The following CDH7 variants were observed in gnomAD, a reference collection of about 807,000 sequenced individuals.
The protein encoded by CDH7 is cadherin-7.
In CDH7, 25 loss-of-function variants were observed where a neutral mutation model predicts 71.8. That is an observed-to-expected ratio of 0.35 (90% confidence interval 0.25 to 0.49). The LOEUF is 0.49. Ranked by LOEUF, CDH7 falls within the 20% of genes least tolerant of loss-of-function variation. The pLI, the probability that CDH7 is intolerant of heterozygous loss-of-function variation, is 0.99. For missense variants in CDH7, 862 were observed against 974.6 expected (o/e 0.88, Z 1.54); for synonymous variants, 381 against 363.8 (o/e 1.05, Z -0.54).
rs1029144045 is a variant in CDH7 at position 65,881,674 on chromosome 18, T to C, written c.*780T>C. ...TCTGATTTGTACAGGAGAATATCTT[T>C]TCTTTTTTATTTGACACATGGTGTT... On this transcript the variant is annotated 3_prime_UTR_variant, in exon 12 of 12. Coordinates refer to ENST00000397968, the MANE Select transcript of CDH7 (RefSeq NM_004361.5). The C allele has an allele frequency of 6.6e-6, 1 of 152,198 alleles. No individual in the cohort carries two copies. The highest frequency in any genetic ancestry group is 1.5e-5 in the Non-Finnish European group (1 of 68,030). The allele number at this position is 152,198 out of a possible 1,614,324, so 9.4% of individuals were successfully genotyped here. A position where few individuals can be genotyped will look rare whatever the true frequency, so the allele number is the denominator to read the frequency against.
intron 4 of CDH7, among the ~76,000 whole-genome samples, chr18:65,819,353 G>A (rs1454297256): frequency 3.9e-5 from 6 of 152,112 alleles, no homozygotes; most frequent in African/African-American, 1.4e-4. Context: ...CTGTGAGTTC[G>A]CACTGCTCCA....
chr18:65,819,937 C>G (rs571506560), intron 4 of CDH7, among the ~76,000 whole-genome samples: 75 of 149,380 alleles, frequency 5.0e-4, no homozygotes, highest in African/African-American at 1.8e-3. Flanking sequence ...CCTTTGCTTC[C>G]CTAAAGTGCG....
At position 65,835,888 on chromosome 18, in the gene CDH7, G is replaced by A. The variant is rs116406484; in HGVS notation, c.982-7924G>A. Among the ~76,000 whole-genome samples the A allele has an allele frequency of 2.7e-3, 413 of 152,264 alleles. 3 individuals are homozygous for A. The highest frequency in any genetic ancestry group is 9.3e-3 in the African/African-American group (385 of 41,550). On this transcript the variant is annotated intron_variant, in intron 6 of 11. Transcript: ENST00000397968. ...ATGTGGTAAAGTGAATTTTGGAAAC[G>A]TGATTAAGTTACGGAGCTTAATGGG...
Position 65,809,898 on chromosome 18 carries a change from C to T in CDH7, c.405C>T (p.Pro135=), listed in dbSNP as rs551887802. Residue 135 remains proline, a synonymous_variant, in exon 3 of 12, where the codon CCC becomes CCT. Transcript: ENST00000397968. ...LDRLTNKPVE[P]ESEFVIKIQD... ...GGCTCACCAACAAACCCGTGGAGCCCGAGTCGGAGTTTGTCATCAAAATTC... is the reference window on the plus strand; with the variant it reads ...GGCTCACCAACAAACCCGTGGAGCCTGAGTCGGAGTTTGTCATCAAAATTC... The T allele has an allele frequency of 9.8e-5, 158 of 1,613,894 alleles. 2 individuals carry two copies. The South Asian group carries it at 1.5e-3, about 16-fold the overall frequency.
intron 2 of CDH7, among the ~76,000 whole-genome samples, chr18:65,785,502 T>C (rs1204897636): frequency 1.3e-5 from 2 of 151,964 alleles, no homozygotes; most frequent in Non-Finnish European, 2.9e-5. Flanking sequence ...TAGTAGAAGG[T>C]ACATTAACAA....
chr18:65,764,367 T>C (rs896034248), intron 2 of CDH7, among the ~76,000 whole-genome samples: 5 of 152,044 alleles, frequency 3.3e-5, no homozygotes, highest in African/African-American at 1.2e-4. Context: ...CTTTTTTTGG[T>C]CCAGTTACAG....
intron 6 of CDH7, among the ~76,000 whole-genome samples, chr18:65,838,255 G>A (rs186978507): frequency 5.4e-4 from 82 of 152,250 alleles, no homozygotes; most frequent in African/African-American, 1.9e-3. Flanking sequence ...AGTTATAAAT[G>A]AGGGTTATTT....
chr18:65,875,889 G>A (rs942516838), intron 11 of CDH7, among the ~76,000 whole-genome samples: 6 of 152,060 alleles, frequency 3.9e-5, no homozygotes, highest in African/African-American at 4.8e-5. Context: ...AGATCCTACC[G>A]CTGCACTTCA....
chr18:65,870,693 T>C (rs147024562), intron 11 of CDH7, among the ~76,000 whole-genome samples: 2 of 152,286 alleles, frequency 1.3e-5, no homozygotes, highest in African/African-American at 4.8e-5. Flanking sequence ...CTGTCAAGTT[T>C]AGATTATCTT....
intron 2 of CDH7, among the ~76,000 whole-genome samples, chr18:65,782,028 CCCTTCCTTCCTT>C (rs200389546): frequency 3.0e-5 from 1 of 33,574 alleles, no homozygotes. Context: ...CTCTCTTTCT[CCCTTCCTTCCTT>C]CCTTCCTTCC....
At position 65,759,621 on chromosome 18, in the gene CDH7, A is replaced by G. The variant is rs28539181; in HGVS notation, c.-196-3026A>G. On this transcript the variant is annotated intron_variant, in intron 1 of 11. Transcript: ENST00000397968. The stretch of plus-strand genomic sequence containing the variant: ...TAAAAGAGCTAACAAAATCAATTTT[A>G]TATAATTGTCAAAAAGTAGAAAAGT... Among the ~76,000 whole-genome samples the G allele has an allele frequency of 2.8e-3, 426 of 152,344 alleles. 2 individuals are homozygous for G. The highest frequency in any genetic ancestry group is 9.7e-3 in the African/African-American group (405 of 41,580).
intron 6 of CDH7, among the ~76,000 whole-genome samples, chr18:65,839,915 C>T (rs1912665796): frequency 6.6e-6 from 1 of 151,948 alleles, no homozygotes; most frequent in Non-Finnish European, 1.5e-5. Flanking sequence ...TTAGCCTGGC[C>T]CTTGAGGTAA....
At chr18:65,766,983 T>C (rs900675222) in intron 2 of CDH7, among the ~76,000 whole-genome samples, 9 of 147,886 alleles carry the variant, frequency 6.1e-5, no homozygotes, top group Non-Finnish European at 8.9e-5. Flanking sequence ...TTCCTAACCG[T>C]AATGGGATGC....
At chr18:65,827,259 G>C (rs1912165889) in intron 6 of CDH7, among the ~76,000 whole-genome samples, 1 of 151,556 alleles carries the variant, frequency 6.6e-6, no homozygotes, top group Non-Finnish European at 1.5e-5. Context: ...TCTTTGTTTT[G>C]TTATATAACA....
At chr18:65,783,789 A>T (rs1277339283) in intron 2 of CDH7, among the ~76,000 whole-genome samples, 1 of 152,162 alleles carries the variant, frequency 6.6e-6, no homozygotes, top group Admixed American at 6.6e-5. Flanking sequence ...GAAAATGAAG[A>T]TAGAGAAAGA....
chr18:65,798,463 T>TA (rs1373490794), intron 2 of CDH7, among the ~76,000 whole-genome samples: 5 of 152,244 alleles, frequency 3.3e-5, no homozygotes, highest in Middle Eastern at 3.2e-3. Context: ...ATTCATTAGT[T>TA]ACTGAGTTGG....
intron 2 of CDH7, among the ~76,000 whole-genome samples, chr18:65,774,882 C>T (rs1220992731): frequency 6.6e-6 from 1 of 151,884 alleles, no homozygotes; most frequent in African/African-American, 2.4e-5. Context: ...GCAAAAGAGG[C>T]GGGGAAGGGA....
intron 6 of CDH7, among the ~76,000 whole-genome samples, chr18:65,828,685 C>T (rs1015387991): frequency 4.0e-5 from 6 of 151,740 alleles, no homozygotes; most frequent in Admixed American, 2.6e-4. Flanking sequence ...CTCCTAACCC[C>T]TATGTTTTTC....
intron 2 of CDH7, among the ~76,000 whole-genome samples, chr18:65,770,034 G>T (rs1257055319): frequency 6.6e-6 from 1 of 152,116 alleles, no homozygotes; most frequent in Non-Finnish European, 1.5e-5. Context: ...ACTACTGCTG[G>T]TTTGAGGGAG....
Sources: gnomAD v4.1 joint callset for allele counts (sites outside exome capture counted in the v4.1 genomes callset) on GRCh38, gnomAD v4.1.1 for gene constraint, MANE v1.5 for transcripts, NCBI Gene and HGNC (gene_info 2026-07-23, HGNC 2026-07-21) for gene names.